Variants in PDE4D observed in about 807,000 individuals in gnomAD.
PDE4D encodes the protein phosphodiesterase 4D.
PDE4D carries 24 observed loss-of-function variants against 87.4 expected under a neutral mutation model. That is an observed-to-expected ratio of 0.27 (90% CI 0.20 to 0.39). The LOEUF (loss-of-function observed/expected upper bound fraction) is 0.39, where lower values mean the gene tolerates loss of function less well. Ranked by LOEUF, PDE4D falls within the 10% of genes least tolerant of loss-of-function variation. PDE4D has a pLI of 1.00. For synonymous variants in PDE4D, 384 were observed against 383.2 expected (o/e 1.00, Z -0.02); for missense variants, 714 against 1,041.0 (o/e 0.69, Z 4.32).
At chr5:60,235,954 T>C (rs932554990) in intron 1 of PDE4D, among the ~76,000 whole-genome samples, 15 of 151,968 alleles carry the variant, frequency 9.9e-5, no homozygotes, top group African/African-American at 3.6e-4. Flanking sequence ...AGCCAATTTA[T>C]TTTTAACATC....
intron 1 of PDE4D, among the ~76,000 whole-genome samples, chr5:59,754,165 AC>A (rs1760883644): frequency 6.6e-6 from 1 of 152,054 alleles, no homozygotes; most frequent in Non-Finnish European, 1.5e-5. Flanking sequence ...CCCCCTCTCT[AC>A]CAAAAATATA....
chr5:58,972,630 C>T lies in PDE4D; in HGVS notation c.*2034G>A, dbSNP rs1742813180. The T allele has an allele frequency of 6.6e-6, 1 of 152,112 alleles. No homozygotes were observed. The allele number at this position is 152,112 out of a possible 1,614,324, so 9.4% of individuals were successfully genotyped here. ...ACTTGTCAGATACCCACTTTGGCTT[C>T]TATCTATCTCAATTCTTGAATATCA... On this transcript the variant is annotated 3_prime_UTR_variant, in exon 15 of 15. Transcript: ENST00000340635.
At chr5:59,006,249 AGT>A (rs1260181606) in intron 6 of PDE4D, among the ~76,000 whole-genome samples, 1 of 152,192 alleles carries the variant, frequency 6.6e-6, no homozygotes, top group East Asian at 1.9e-4. Flanking sequence ...CATATATGCA[AGT>A]GTGTTTGTTG....
chr5:59,036,634 T>A (rs1232856430), intron 6 of PDE4D, among the ~76,000 whole-genome samples: 1 of 152,146 alleles, frequency 6.6e-6, no homozygotes, highest in African/African-American at 2.4e-5. Context: ...AGCAAGAGCT[T>A]TTTTTTCTTT....
At chr5:59,027,246 T>A (rs1387040850) in intron 6 of PDE4D, among the ~76,000 whole-genome samples, 2 of 152,212 alleles carry the variant, frequency 1.3e-5, no homozygotes, top group Non-Finnish European at 2.9e-5. Flanking sequence ...AAACCACAGA[T>A]TAAAAGTGCC....
intron 5 of PDE4D, among the ~76,000 whole-genome samples, chr5:59,065,764 C>T (rs1763831930): frequency 6.6e-6 from 1 of 152,110 alleles, no homozygotes; most frequent in Admixed American, 6.6e-5. Context: ...TTGATGATAT[C>T]ATTCACATCG....
At chr5:59,522,069 T>C (rs1272252317) in intron 1 of PDE4D, among the ~76,000 whole-genome samples, 2 of 152,198 alleles carry the variant, frequency 1.3e-5, no homozygotes, top group Non-Finnish European at 1.5e-5. Flanking sequence ...TAATTTCCCA[T>C]GTTCACAAAT....
intron 5 of PDE4D, among the ~76,000 whole-genome samples, chr5:59,070,117 A>G (rs751331067): frequency 2.6e-5 from 4 of 152,202 alleles, no homozygotes; most frequent in Non-Finnish European, 5.9e-5. Flanking sequence ...GTACTGCTTG[A>G]GAGTGATGTT....
At chr5:60,237,331 T>C (rs1053303260) in intron 1 of PDE4D, among the ~76,000 whole-genome samples, 1 of 152,062 alleles carries the variant, frequency 6.6e-6, no homozygotes, top group Non-Finnish European at 1.5e-5. Context: ...ATGCAGTTGT[T>C]TGTAGTAGCC....
Position 59,193,633 on chromosome 5 carries a change from C to T in PDE4D, c.648-97G>A, listed in dbSNP as rs558665238. ...GGCAAGTTCCACTTTCATGAGTTCCCATAGAGAATTACAGTGATTCCATCC... is the reference window on the plus strand; with the variant it reads ...GGCAAGTTCCACTTTCATGAGTTCCTATAGAGAATTACAGTGATTCCATCC... On this transcript the variant is annotated intron_variant, in intron 2 of 14. Coordinates refer to ENST00000340635, the MANE Select transcript of PDE4D (RefSeq NM_001104631.2). 89 of 1,552,080 alleles carry T rather than the reference C, an allele frequency of 5.7e-5. No homozygotes were observed. The Middle Eastern group carries it at 8.5e-4, about 15-fold the overall frequency.
At chr5:59,349,487 T>C (rs1780160132) in intron 1 of PDE4D, among the ~76,000 whole-genome samples, 1 of 152,210 alleles carries the variant, frequency 6.6e-6, no homozygotes, top group South Asian at 2.1e-4. Flanking sequence ...GTCAAGGTAC[T>C]GTCTCTTAAA....
chr5:59,898,997 G>A (rs140097785), intron 3 of PDE4D, among the ~76,000 whole-genome samples: 10 of 152,202 alleles, frequency 6.6e-5, no homozygotes, highest in Admixed American at 3.3e-4. Context: ...CTAGAAAAAA[G>A]CCAACATTTC....
At chr5:59,992,586 T>C (rs1204753521) in intron 2 of PDE4D, among the ~76,000 whole-genome samples, 1 of 152,222 alleles carries the variant, frequency 6.6e-6, no homozygotes, top group African/African-American at 2.4e-5. Flanking sequence ...CATCTTTTTA[T>C]AAGCATTTAG....
At chr5:59,392,503 C>CTATATATATATA (rs3061702) in intron 1 of PDE4D, among the ~76,000 whole-genome samples, 21,265 of 138,474 alleles carry the variant, frequency 0.15, 1,824 homozygotes, top group East Asian at 0.3. Context: ...GTGTGTGTGT[C>CTATATATATATA]TATATATATA....
chr5:60,035,931 CTG>C (rs1287515184), intron 2 of PDE4D, among the ~76,000 whole-genome samples: 1 of 152,216 alleles, frequency 6.6e-6, no homozygotes, highest in Non-Finnish European at 1.5e-5. Flanking sequence ...CAGATTCAAA[CTG>C]TGATTTTAAA....
intron 1 of PDE4D, among the ~76,000 whole-genome samples, chr5:59,739,536 C>T (rs1036724458): frequency 2.6e-5 from 4 of 152,068 alleles, no homozygotes; most frequent in African/African-American, 4.8e-5. Context: ...TATTTGCAGC[C>T]TCAATGTTAA....
chr5:60,322,588 G>GC (rs1398899980), intron 1 of PDE4D, among the ~76,000 whole-genome samples: 2 of 151,906 alleles, frequency 1.3e-5, no homozygotes, highest in Non-Finnish European at 2.9e-5. Context: ...GGGCACTTCC[G>GC]CAAATCCCTT....
intron 2 of PDE4D, among the ~76,000 whole-genome samples, chr5:59,207,793 T>G (rs1749132975): frequency 6.6e-6 from 1 of 151,828 alleles, no homozygotes; most frequent in Non-Finnish European, 1.5e-5. Context: ...TAAGTTTAAA[T>G]AATTCACCTT....
chr5:59,439,357 C>CAAAA (rs3061710), intron 1 of PDE4D, among the ~76,000 whole-genome samples: 66 of 72,476 alleles, frequency 9.1e-4, no homozygotes, highest in South Asian at 3.6e-3. Flanking sequence ...AAGACTCTGT[C>CAAAA]AAAAAAAAAA....
Sources: gnomAD v4.1 joint callset for allele counts (sites outside exome capture counted in the v4.1 genomes callset) on GRCh38, gnomAD v4.1.1 for gene constraint, MANE v1.5 for transcripts, NCBI Gene and HGNC (gene_info 2026-07-23, HGNC 2026-07-21) for gene names.